Variants in CFAP54 observed in about 807,000 individuals in gnomAD.
CFAP54 encodes the protein cilia and flagella associated protein 54.
In CFAP54, 290 loss-of-function variants were observed where a neutral mutation model predicts 370.4. The observed-to-expected ratio is 0.78, with a 90% CI of 0.71 to 0.86. The LOEUF is 0.86. Among genes scored for constraint, CFAP54 ranks in the 40% least tolerant of loss-of-function variants. The pLI, the probability that CFAP54 is intolerant of heterozygous loss-of-function variation, is 0.00. For synonymous variants in CFAP54, 1,206 were observed against 1,236.5 expected (o/e 0.98, Z 0.52); for missense variants, 3,399 against 3,528.7 (o/e 0.96, Z 0.93).
chr12:96,760,087 G>T (rs1352413105), intron 58 of CFAP54, among the ~76,000 whole-genome samples: 1 of 152,160 alleles, frequency 6.6e-6, no homozygotes, highest in Non-Finnish European at 1.5e-5. Flanking sequence ...GTATTGCAAT[G>T]TGACAAGGAC....
chr12:96,551,485 A>G (rs199911028), intron 15 of CFAP54, among the ~76,000 whole-genome samples: 2,925 of 143,872 alleles, frequency 0.02, 115 homozygotes, highest in African/African-American at 0.069. Flanking sequence ...TTGAATGGGT[A>G]TGTGTGTGTG....
At chr12:96,612,761 A>G (rs2136456445) in intron 26 of CFAP54, among the ~76,000 whole-genome samples, 1 of 152,060 alleles carries the variant, frequency 6.6e-6, no homozygotes, top group South Asian at 2.1e-4. Context: ...ACAGAGATCA[A>G]AAGAGACAAA....
At chr12:96,729,539 A>G (rs1957890272) in intron 50 of CFAP54, among the ~76,000 whole-genome samples, 2 of 152,184 alleles carry the variant, frequency 1.3e-5, no homozygotes, top group Non-Finnish European at 2.9e-5. Flanking sequence ...AGCCCATCGG[A>G]AAAGCTCAGT....
intron 63 of CFAP54, among the ~76,000 whole-genome samples, chr12:96,811,417 C>A (rs1958926836): frequency 6.6e-6 from 1 of 152,142 alleles, no homozygotes; most frequent in African/African-American, 2.4e-5. Flanking sequence ...ACAAAGTTGG[C>A]TATTTACCAG....
chr12:96,750,644 A>G (rs1477256936), intron 55 of CFAP54, among the ~76,000 whole-genome samples: 1 of 152,182 alleles, frequency 6.6e-6, no homozygotes, highest in East Asian at 1.9e-4. Context: ...TGATTTCTAC[A>G]GGAGCTTAAA....
intron 60 of CFAP54, among the ~76,000 whole-genome samples, chr12:96,772,591 A>AT (rs35817553): frequency 0.36 from 48,980 of 137,804 alleles, 8,946 homozygotes; most frequent in South Asian, 0.53. Flanking sequence ...TTGGTGGGCA[A>AT]TTTTTTTTTT....
At chr12:96,640,318 A>G (rs1956710881) in intron 32 of CFAP54, among the ~76,000 whole-genome samples, 1 of 152,198 alleles carries the variant, frequency 6.6e-6, no homozygotes, top group African/African-American at 2.4e-5. Flanking sequence ...GTGAACTCCC[A>G]TTCACAATTG....
chr12:96,564,395 T>C (rs887208973), intron 17 of CFAP54, 73 bp from the exon 18 acceptor site: 5 of 606,972 alleles, frequency 8.2e-6, no homozygotes, highest in Non-Finnish European at 1.5e-5. Context: ...GAATAGTTAC[T>C]CCTTAGTATT....
chr12:96,495,472 G>A (rs1379122478), intron 1 of CFAP54, among the ~76,000 whole-genome samples: 4 of 144,098 alleles, frequency 2.8e-5, no homozygotes, highest in Non-Finnish European at 6.0e-5. Flanking sequence ...ATGTCACCAC[G>A]CCCGGCTAAT....
chr12:96,489,646 G>T lies in CFAP54; in HGVS notation c.37G>T (p.Asp13Tyr). The T allele has an allele frequency of 6.5e-7, 1 of 1,530,606 alleles. No individual in the cohort carries two copies. The highest frequency in any genetic ancestry group is 1.2e-5 in the South Asian group (1 of 83,970). The allele number at this position is 1,530,606 out of a possible 1,614,324, so 94.8% of individuals were successfully genotyped here. The change falls in exon 1 of 68, where the codon GAC becomes TAC. Residue 13 changes from aspartate to tyrosine, a missense_variant. By Grantham distance (160) the Asp-to-Tyr change is radical. Transcript: ENST00000524981. ...GGGCTCCCCCTCGAGCTCTCCGTCA[G>T]ACGACTCTACCACCTCGGGGTCTCT... ...AQGSPSSSPSDDSTTSGSLPE... is the reference protein window; with the variant it reads ...AQGSPSSSPSYDSTTSGSLPE...
At chr12:96,807,733 C>T (rs901112953) in intron 63 of CFAP54, among the ~76,000 whole-genome samples, 1 of 151,948 alleles carries the variant, frequency 6.6e-6, no homozygotes, top group South Asian at 2.1e-4. Flanking sequence ...GCTGGGAGAT[C>T]GAATGGGAAG....
At position 96,576,774 on chromosome 12, in the gene CFAP54, G is replaced by A; in HGVS notation, c.2796+13G>A. The A allele has an allele frequency of 6.6e-7, 1 of 1,517,152 alleles. No individual in the cohort carries two copies. Among genetic ancestry groups the A allele is most frequent in the Admixed American group, 2.1e-5 (1 of 46,602 alleles). 94.0% of individuals were successfully genotyped at this position (1,517,152 alleles called of 1,614,324 possible). ...TTCAGAGGTTAAGGTATGGTGTCCA[G>A]TAAAATTTTTGCCTCATGCAAAGCA... is the stretch of plus-strand genomic sequence containing the variant. On this transcript the variant is annotated intron_variant, in intron 20 of 67. Transcript: ENST00000524981.
intron 65 of CFAP54, among the ~76,000 whole-genome samples, chr12:96,825,449 T>TAA (rs1396821558): frequency 1.7e-5 from 2 of 117,178 alleles, no homozygotes; most frequent in African/African-American, 7.2e-5. Context: ...ATATGTTATA[T>TAA]TATATATAAT....
intron 14 of CFAP54, among the ~76,000 whole-genome samples, chr12:96,545,084 T>G (rs1427608885): frequency 6.6e-6 from 1 of 152,052 alleles, no homozygotes; most frequent in East Asian, 1.9e-4. Flanking sequence ...GCAATTTTTT[T>G]GTATTTTTAG....
At chr12:96,750,771 A>G (rs996780208) in intron 55 of CFAP54, among the ~76,000 whole-genome samples, 4 of 152,232 alleles carry the variant, frequency 2.6e-5, no homozygotes, top group African/African-American at 9.6e-5. Flanking sequence ...GCCGTGTTTT[A>G]GAGTCACTTA....
intron 40 of CFAP54, among the ~76,000 whole-genome samples, chr12:96,681,022 G>A (rs1258564333): frequency 2.0e-5 from 3 of 152,006 alleles, no homozygotes; most frequent in African/African-American, 7.2e-5. Context: ...GGCAGAGGTT[G>A]CAGTGAGCCG....
chr12:96,673,858 T>C (rs918675901), intron 39 of CFAP54, among the ~76,000 whole-genome samples: 1 of 152,246 alleles, frequency 6.6e-6, no homozygotes, highest in Non-Finnish European at 1.5e-5. Flanking sequence ...TTTGGTGTAC[T>C]CATTATTTAA....
chr12:96,495,065 A>G (rs952758853), intron 1 of CFAP54, among the ~76,000 whole-genome samples: 13 of 152,138 alleles, frequency 8.5e-5, no homozygotes, highest in Middle Eastern at 3.2e-3. Flanking sequence ...GTTTTTCCTT[A>G]TAACTATGGA....
chr12:96,844,716 T>C (rs753556860), intron 66 of CFAP54, among the ~76,000 whole-genome samples: 22 of 152,318 alleles, frequency 1.4e-4, no homozygotes, highest in Admixed American at 5.2e-4. Context: ...GCCCAAAGTC[T>C]CTCAGCTAGT....
Sources: allele counts gnomAD v4.1 joint callset (sites outside exome capture counted in the v4.1 genomes callset), GRCh38; gene constraint gnomAD v4.1.1; transcripts MANE v1.5; gene names NCBI Gene and HGNC (gene_info 2026-07-23, HGNC 2026-07-21).